The following MTAP variants were observed in gnomAD, a reference collection of about 807,000 sequenced individuals.
MTAP encodes methylthioadenosine phosphorylase.
A neutral mutation model predicts 33.6 loss-of-function variants in MTAP; 33 were observed. The observed-to-expected ratio is 0.98, with a 90% CI of 0.74 to 1.31. The LOEUF (loss-of-function observed/expected upper bound fraction) is 1.31, where lower values mean the gene tolerates loss of function less well. Among genes scored for constraint, MTAP ranks in the 40% most tolerant of loss-of-function variants. MTAP has a pLI of 0.00. For synonymous variants in MTAP, 148 were observed against 125.7 expected, an observed-to-expected ratio of 1.18 and a Z score of -1.19; for missense variants, 367 against 360.0, an observed-to-expected ratio of 1.02 and a Z score of -0.16.
chr9:21,852,509 C>CA (rs10628807), intron 5 of MTAP, among the ~76,000 whole-genome samples: 16,495 of 114,452 alleles, frequency 0.14, 1,570 homozygotes, highest in East Asian at 0.27. Flanking sequence ...GACTCCATCT[C>CA]AAAAAAAAAA....
At chr9:21,903,502 T>C (rs1225904065) in intron 1 of MTAP, among the ~76,000 whole-genome samples, 1 of 152,164 alleles carries the variant, frequency 6.6e-6, no homozygotes, top group Non-Finnish European at 1.5e-5. Flanking sequence ...CACTCTGAGC[T>C]ACCCCCATAA....
intron 1 of MTAP, among the ~76,000 whole-genome samples, chr9:21,914,916 G>A (rs1305922467): frequency 1.3e-5 from 2 of 151,308 alleles, no homozygotes; most frequent in Admixed American, 6.6e-5. Flanking sequence ...TATAATATAT[G>A]GCCTTCTGTG....
At chr9:21,921,513 A>T (rs1332023165) in intron 1 of MTAP, among the ~76,000 whole-genome samples, 1 of 152,184 alleles carries the variant, frequency 6.6e-6, no homozygotes, top group Non-Finnish European at 1.5e-5. Context: ...ATAATATAGA[A>T]ATACAGTGGT....
downstream of MTAP, chr9:21,934,647 ATATT>A (rs1189882140): frequency 6.6e-6 from 1 of 152,146 alleles, no homozygotes; most frequent in Admixed American, 6.5e-5. The surrounding 1 kb of genome is among the most constrained non-coding windows in gnomAD (Gnocchi z 5.0). Flanking sequence ...AAGCAAGTAT[ATATT>A]AAGTATAGCA....
At chr9:21,915,089 C>CTTTCTTTCTTTCTTTA (rs1563869575) in intron 1 of MTAP, among the ~76,000 whole-genome samples, 8 of 124,088 alleles carry the variant, frequency 6.4e-5, no homozygotes, top group African/African-American at 2.7e-4. Flanking sequence ...TCTTTCCTTT[C>CTTTCTTTCTTTCTTTA]TTTCTTTTCT....
intron 1 of MTAP, among the ~76,000 whole-genome samples, chr9:21,882,761 C>A (rs1818035321): frequency 6.6e-6 from 1 of 151,870 alleles, no homozygotes; most frequent in African/African-American, 2.4e-5. Context: ...TTTAAAGTAA[C>A]TCTGGGTTTT....
At chr9:21,802,985 A>AACACACAGACACACACACACAC (rs1824095597) in intron 1 of MTAP, 1 of 378,324 alleles carries the variant, frequency 2.6e-6, no homozygotes, top group African/African-American at 3.5e-5. Context: ...CCGCACCGCC[A>AACACACAGACACACACACACAC]ACACACACAC....
At chr9:21,860,212 T>G (rs1055468949) in intron 7 of MTAP, 1 of 152,186 alleles carries the variant, frequency 6.6e-6, no homozygotes, top group African/African-American at 2.4e-5. Flanking sequence ...ATGAGGACAT[T>G]GTATGGTGGT....
downstream of MTAP, among the ~76,000 whole-genome samples, chr9:21,937,946 C>G (rs957623757): frequency 6.6e-6 from 1 of 151,966 alleles, no homozygotes; most frequent in African/African-American, 2.4e-5. Flanking sequence ...TTGAGACCAG[C>G]GTGAGTAACA....
At chr9:21,870,798 G>A (rs1235966468), downstream of MTAP, among the ~76,000 whole-genome samples, 2 of 131,686 alleles carry the variant, frequency 1.5e-5, no homozygotes, top group Non-Finnish European at 3.1e-5. Flanking sequence ...TTTTTTTTGA[G>A]ATGGATTCTC....
chr9:21,936,624 A>G (rs866244292), exon 8 of MTAP: 24 of 152,244 alleles, frequency 1.6e-4, no homozygotes, highest in South Asian at 6.2e-4. Context: ...TTTAAACTGT[A>G]CTATGAGAAA....
rs1177810938 is a variant in MTAP at position 21,922,768 on chromosome 9, C to CCA, written c.148-8240_148-8239insCA. Among the ~76,000 whole-genome samples, 5 of 152,178 alleles carry CCA rather than the reference C, an allele frequency of 3.3e-5. No individual in the cohort carries two copies. Among genetic ancestry groups the CCA allele is most frequent in the African/African-American group, 1.2e-4 (5 of 41,442 alleles). On this transcript the variant is annotated intron_variant, in intron 1 of 1. Coordinates refer to the MTAP transcript ENST00000577563. This position sits in a 1 kb window ranked among gnomAD's most constrained non-coding sequence, Gnocchi z 4.8. ...CTCAGCCACAGTGGCTCTGCACCCG[C>CCA]TGGCTGATCTCTCAGCTTACCCTGA...
At chr9:21,829,236 AT>A (rs780671128) in intron 4 of MTAP, among the ~76,000 whole-genome samples, 3 of 152,146 alleles carry the variant, frequency 2.0e-5, no homozygotes, top group Non-Finnish European at 4.4e-5. Flanking sequence ...GGATTGTAAC[AT>A]CCTGTAAAGC....
At chr9:21,935,896 G>A (rs1016385970), downstream of MTAP, 1 of 152,138 alleles carries the variant, frequency 6.6e-6, no homozygotes, top group African/African-American at 2.4e-5. Context: ...GCTATGGCAT[G>A]TTGGATCATT....
At chr9:21,807,320 C>T (rs368084530) in intron 1 of MTAP, among the ~76,000 whole-genome samples, 1 of 152,134 alleles carries the variant, frequency 6.6e-6, no homozygotes, top group African/African-American at 2.4e-5. Flanking sequence ...TGGGCCTTTA[C>T]ACTCCCTGCT....
Position 21,866,931 on chromosome 9 carries a change from T to C in MTAP, c.*4917T>C, listed in dbSNP as rs1825862057. 1 of 152,200 alleles carries C rather than the reference T, an allele frequency of 6.6e-6. No homozygotes were observed. The highest frequency in any genetic ancestry group is 6.5e-5 in the Admixed American group (1 of 15,270). 9.4% of individuals were successfully genotyped at this position (152,200 alleles called of 1,614,324 possible). A position where few individuals can be genotyped will look rare whatever the true frequency, so the allele number is the denominator to read the frequency against. Reference sequence around the variant, plus strand: ...GAAGAAGTCTTGTATATATCTTTTGTTAAATGTATTCCTAAATATTTTGTG... The same window carrying C: ...GAAGAAGTCTTGTATATATCTTTTGCTAAATGTATTCCTAAATATTTTGTG... On this transcript the variant is annotated 3_prime_UTR_variant, in exon 8 of 8. Coordinates refer to ENST00000644715, the MANE Select transcript of MTAP (RefSeq NM_002451.4).
intron 1 of MTAP, among the ~76,000 whole-genome samples, chr9:21,894,934 C>T (rs995928172): frequency 1.2e-4 from 19 of 152,020 alleles, no homozygotes; most frequent in Non-Finnish European, 2.6e-4. Context: ...ACAATAGCCA[C>T]GAAAAGAATA....
chr9:21,889,353 G>A (rs1818163016), intron 1 of MTAP, among the ~76,000 whole-genome samples: 1 of 151,308 alleles, frequency 6.6e-6, no homozygotes, highest in South Asian at 2.1e-4. Flanking sequence ...TTCTTCAGTA[G>A]CTTAATAATC....
intron 1 of MTAP, among the ~76,000 whole-genome samples, chr9:21,804,341 G>A (rs1319366428): frequency 6.6e-6 from 1 of 152,190 alleles, no homozygotes; most frequent in East Asian, 1.9e-4. Flanking sequence ...TGGAGAAATG[G>A]TGTTTAAAAC....
Sources: allele counts gnomAD v4.1 joint callset (sites outside exome capture counted in the v4.1 genomes callset), GRCh38; gene constraint gnomAD v4.1.1; non-coding constraint Gnocchi (gnomAD v3.1); transcripts MANE v1.5; gene names NCBI Gene and HGNC (gene_info 2026-07-23, HGNC 2026-07-21).